The following DTNA variants were observed in gnomAD, a reference collection of about 807,000 sequenced individuals.
DTNA encodes the protein dystrobrevin alpha, also known as dystrophin-related protein 3.
DTNA carries 43 observed loss-of-function variants against 100.7 expected under a neutral mutation model. That is an observed-to-expected ratio of 0.43 (90% CI 0.33 to 0.55). DTNA has a LOEUF of 0.55. Among genes scored for constraint, DTNA ranks in the 20% least tolerant of loss-of-function variants. The pLI, the probability that DTNA is intolerant of heterozygous loss-of-function variation, is 0.04. For missense variants in DTNA, 798 were observed against 953.9 expected, an observed-to-expected ratio of 0.84 and a Z score of 2.15; for synonymous variants, 349 against 347.9, an observed-to-expected ratio of 1.00 and a Z score of -0.04.
intron 1 of DTNA, chr18:34,755,627 A>G (rs929552827): frequency 9.5e-6 from 3 of 315,384 alleles, no homozygotes; most frequent in South Asian, 5.9e-5. Context: ...TTCTCCAGTC[A>G]TAGGTATTCT....
upstream of DTNA, chr18:34,708,244 C>G: frequency 6.6e-6 from 1 of 152,112 alleles, no homozygotes; most frequent in East Asian, 1.9e-4. Context: ...GTTTACAGTA[C>G]TTGTTAGAGA....
chr18:34,737,586 G>A (rs1304741267), intron 1 of DTNA, among the ~76,000 whole-genome samples: 1 of 152,138 alleles, frequency 6.6e-6, no homozygotes, highest in East Asian at 1.9e-4. Context: ...AATAGGCCTC[G>A]ATGTGTGAAT....
chr18:34,798,968 C>A (rs557771474), intron 4 of DTNA, among the ~76,000 whole-genome samples: 11 of 152,280 alleles, frequency 7.2e-5, no homozygotes, highest in Non-Finnish European at 1.2e-4. Context: ...TTCTGTTTCA[C>A]TTTTTAAAAT....
chr18:34,800,281 A>G (rs1959258264), intron 4 of DTNA, among the ~76,000 whole-genome samples: 1 of 152,240 alleles, frequency 6.6e-6, no homozygotes, highest in African/African-American at 2.4e-5. Flanking sequence ...ACAAGATGAA[A>G]TGAGATGAGA....
chr18:34,770,848 T>G (rs2148599276), intron 3 of DTNA, among the ~76,000 whole-genome samples: 1 of 149,306 alleles, frequency 6.7e-6, no homozygotes, highest in East Asian at 2.0e-4. Context: ...AATGATGTGA[T>G]CTTGGCTCAC....
intron 1 of DTNA, among the ~76,000 whole-genome samples, chr18:34,743,242 T>C (rs929930853): frequency 6.6e-6 from 1 of 152,176 alleles, no homozygotes. Context: ...TGCCATTGTT[T>C]ACTGCTGGAG....
chr18:34,603,661 T>A lies in DTNA; in HGVS notation c.-2+110147T>A, dbSNP rs189330554. ...TTTGATACACCACAGGTAAGGAGATTGGTTGTGTTCTTCAGAATGCAGAAC... is the reference window on the plus strand; with the variant it reads ...TTTGATACACCACAGGTAAGGAGATAGGTTGTGTTCTTCAGAATGCAGAAC... On this transcript the variant is annotated intron_variant, in intron 1 of 19. Transcript: ENST00000283365. Among the ~76,000 whole-genome samples the A allele has an allele frequency of 4.6e-5, 7 of 152,334 alleles. No homozygotes were observed. The East Asian group carries it at 1.4e-3, about 29-fold the overall frequency.
At chr18:34,630,207 G>A (rs550805499) in intron 1 of DTNA, among the ~76,000 whole-genome samples, 6 of 152,046 alleles carry the variant, frequency 3.9e-5, no homozygotes, top group South Asian at 4.2e-4. Flanking sequence ...TCACGTCTGG[G>A]CGGGTGATTT....
At chr18:34,576,373 G>C (rs551641251) in intron 1 of DTNA, among the ~76,000 whole-genome samples, 1 of 152,308 alleles carries the variant, frequency 6.6e-6, no homozygotes, top group South Asian at 2.1e-4. Context: ...GGAATCAAGG[G>C]TATGAACACA....
intron 3 of DTNA, among the ~76,000 whole-genome samples, chr18:34,788,354 T>G (rs2094582853): frequency 6.6e-6 from 1 of 152,222 alleles, no homozygotes; most frequent in Non-Finnish European, 1.5e-5. Context: ...GTATACTGAA[T>G]GCTTATTATA....
intron 1 of DTNA, among the ~76,000 whole-genome samples, chr18:34,754,989 G>A (rs2092672712): frequency 6.6e-6 from 1 of 152,190 alleles, no homozygotes; most frequent in Non-Finnish European, 1.5e-5. Context: ...TTGAGAAAGA[G>A]CAGGGGCCAT....
At chr18:34,616,132 C>G (rs1270764261) in intron 1 of DTNA, among the ~76,000 whole-genome samples, 1 of 152,126 alleles carries the variant, frequency 6.6e-6, no homozygotes, top group African/African-American at 2.4e-5. Context: ...TCAAATGGTA[C>G]TTCTCTTTTA....
intron 1 of DTNA, among the ~76,000 whole-genome samples, chr18:34,508,373 A>G (rs978282665): frequency 2.0e-5 from 3 of 152,054 alleles, no homozygotes; most frequent in Non-Finnish European, 4.4e-5. Context: ...CAGCTCTACC[A>G]TGGGGGATTT....
At chr18:34,701,542 A>G (rs17643054) in intron 1 of DTNA, among the ~76,000 whole-genome samples, 5,316 of 152,024 alleles carry the variant, frequency 0.035, 292 homozygotes, top group African/African-American at 0.12. Flanking sequence ...CTCTCTACCT[A>G]CAACTTCCAC....
At chr18:34,583,566 C>A (rs1420075753) in intron 1 of DTNA, among the ~76,000 whole-genome samples, 1 of 146,798 alleles carries the variant, frequency 6.8e-6, no homozygotes, top group Non-Finnish European at 1.5e-5. Flanking sequence ...GGAGAGAACA[C>A]AACAGCAGAG....
chr18:34,744,234 C>T (rs2091205315), intron 1 of DTNA, among the ~76,000 whole-genome samples: 1 of 152,166 alleles, frequency 6.6e-6, no homozygotes, highest in African/African-American at 2.4e-5. Context: ...AGAGAACTTT[C>T]TAGTTTCACT....
chr18:34,588,968 AT>A (rs979289212), intron 1 of DTNA, among the ~76,000 whole-genome samples: 5 of 150,556 alleles, frequency 3.3e-5, no homozygotes, highest in African/African-American at 1.2e-4. Context: ...TACGAATTAT[AT>A]TTTATATTAA....
At chr18:34,541,475 C>T (rs543817366) in intron 1 of DTNA, among the ~76,000 whole-genome samples, 2 of 151,980 alleles carry the variant, frequency 1.3e-5, no homozygotes, top group Non-Finnish European at 1.5e-5. Context: ...GAATAAGTCT[C>T]ATGAGGTGTG....
chr18:34,861,586 G>C (rs1271296202), intron 16 of DTNA, among the ~76,000 whole-genome samples: 1 of 150,012 alleles, frequency 6.7e-6, no homozygotes, highest in Non-Finnish European at 1.5e-5. Context: ...CACTTCTTTA[G>C]AGATGAATAC....
Sources: allele counts gnomAD v4.1 joint callset (sites outside exome capture counted in the v4.1 genomes callset), GRCh38; gene constraint gnomAD v4.1.1; transcripts MANE v1.5; gene names NCBI Gene and HGNC (gene_info 2026-07-23, HGNC 2026-07-21).